The following RETREG2 variants were observed in gnomAD, a reference collection of about 807,000 sequenced individuals.
RETREG2 encodes reticulophagy regulator 2.
In RETREG2, 21 loss-of-function variants were observed where a neutral mutation model predicts 51.6. The observed-to-expected ratio is 0.41, with a 90% CI of 0.29 to 0.59. The LOEUF (loss-of-function observed/expected upper bound fraction) is 0.59, where lower values mean the gene tolerates loss of function less well. RETREG2 is among the 20% of genes least tolerant of loss of function. The pLI, the probability that RETREG2 is intolerant of heterozygous loss-of-function variation, is 0.34. For synonymous variants in RETREG2, 339 were observed against 288.6 expected (o/e 1.17, Z -1.77); for missense variants, 674 against 646.0 (o/e 1.04, Z -0.47).
In RETREG2 at chr2:219,182,101, C is replaced by T. The variant is rs908641528; in HGVS notation, c.1104C>T (p.Pro368=). 16 of 1,614,132 alleles carry T rather than the reference C, an allele frequency of 9.9e-6. No homozygotes were observed. The highest frequency in any genetic ancestry group is 2.2e-5 in the East Asian group (1 of 44,870). ...GEGEEGELAP[P]EDLLGRPQAL... ...GAGAGGAGGGAGAGCTGGCCCCTCC[C>T]GAAGACCTACTAGGCCGTCCTCAAG... Residue 368 remains proline (P), a synonymous_variant, in exon 9 of 9, where the codon CCC becomes CCT. Coordinates refer to ENST00000430297, the MANE Select transcript of RETREG2 (RefSeq NM_024293.6).
In RETREG2 at chr2:219,181,626, GGTT is replaced by G. The variant is rs780188964; in HGVS notation, c.880-13_880-11del. The G allele has an allele frequency of 1.2e-6, 2 of 1,613,470 alleles. No individual in the cohort carries two copies. The highest frequency in any genetic ancestry group is 1.7e-6 in the Non-Finnish European group (2 of 1,179,486). Reference sequence around the variant, plus strand: ...TCCCCTCACATGTCGTGTTCATCCTGGTTCTCCTGCCAGGTGGATGTGAAGAAA... The same window carrying G: ...TCCCCTCACATGTCGTGTTCATCCTGCTCCTGCCAGGTGGATGTGAAGAAA... On this transcript the variant is annotated splice_polypyrimidine_tract_variant and intron_variant, in intron 7 of 8. Coordinates refer to ENST00000430297, the MANE Select transcript of RETREG2 (RefSeq NM_024293.6).
Position 219,182,701 on chromosome 2 carries a change from GCCTA to G in RETREG2, c.*75_*78del. 6.4e-7 allele frequency: 1 copy of G among 1,557,048 alleles called. No homozygotes were observed. ...TAGGAGTGTTGCTGTTTCCTCCTTT[GCCTA>G]CCACTCTGGGGTGGGGCAGTGTGTG... On this transcript the variant is annotated 3_prime_UTR_variant, in exon 9 of 9. Transcript: ENST00000430297.
intron 3 of RETREG2, 143 bp downstream of exon 3, chr2:219,179,906 T>C: frequency 2.6e-6 from 3 of 1,163,552 alleles, no homozygotes; most frequent in Non-Finnish European, 3.8e-6. Context: ...CCTAGGCTCC[T>C]GTGTAGGTGT....
intron 1 of RETREG2, 129 bp from the exon 2 acceptor site, chr2:219,178,793 C>T: frequency 8.8e-7 from 1 of 1,138,946 alleles, no homozygotes; most frequent in Non-Finnish European, 1.2e-6. Flanking sequence ...TTTTCTATCT[C>T]TGAGTCGTGA....
chr2:219,181,831 ATGGGTACT>A (rs2106399101), intron 8 of RETREG2, 56 bp downstream of exon 8: 1 of 1,599,660 alleles, frequency 6.3e-7, no homozygotes, highest in South Asian at 1.1e-5. Context: ...GTTCCCTACC[ATGGGTACT>A]TACTGTGCTC....
chr2:219,180,811 A>G, intron 5 of RETREG2, 57 bp downstream of exon 5: 1 of 1,579,496 alleles, frequency 6.3e-7, no homozygotes, highest in East Asian at 2.2e-5. Flanking sequence ...CTTTCCTTGG[A>G]CTGACCCAGA....
intron 5 of RETREG2, 79 bp downstream of exon 5, chr2:219,180,833 GCT>G: frequency 1.4e-6 from 2 of 1,475,660 alleles, no homozygotes; most frequent in South Asian, 2.3e-5. Flanking sequence ...GGAAGACTAT[GCT>G]CTCTCTGCTC....
In RETREG2 at chr2:219,180,762, G is replaced by T; in HGVS notation, c.640+8G>T. 6.2e-7 allele frequency: 1 copy of T among 1,613,996 alleles called. No homozygotes were observed. Among genetic ancestry groups the T allele is most frequent in the South Asian group, 1.1e-5 (1 of 91,078 alleles). On this transcript the variant is annotated splice_region_variant and intron_variant, in intron 5 of 8. Transcript: ENST00000430297. ...TGATTTCCTACATTGTCTGTGAGTA[G>T]GGTCTGTCCCTGCCCTATTTAAAGC...
intron 2 of RETREG2, 65 bp downstream of exon 2, chr2:219,179,093 G>A (rs1950236631): frequency 2.4e-6 from 3 of 1,235,466 alleles, no homozygotes; most frequent in African/African-American, 3.0e-5. Flanking sequence ...TCCGCTGGGT[G>A]GGGTTAAGTG....
In RETREG2 at chr2:219,178,329, T is replaced by C. The variant is rs981566645; in HGVS notation, c.-24T>C. 8 of 399,124 alleles carry C rather than the reference T, an allele frequency of 2.0e-5. No individual in the cohort carries two copies. Among genetic ancestry groups the C allele is most frequent in the African/African-American group, 1.5e-4 (7 of 47,778 alleles). 24.7% of individuals were successfully genotyped at this position (399,124 alleles called of 1,614,324 possible). On this transcript the variant is annotated 5_prime_UTR_variant, in exon 1 of 9. Transcript: ENST00000430297. ...CGCGCAGCCCTGGCTCCTCGCGGGC[T>C]CGGGCGGCGGCTGCGGCGGGGCTAT...
chr2:219,179,681 G>A (rs373141734), intron 2 of RETREG2, 52 bp from the exon 3 acceptor site: 9 of 1,572,632 alleles, frequency 5.7e-6, no homozygotes, highest in African/African-American at 1.3e-5. Flanking sequence ...CTTGGGGAGT[G>A]TCTCCCAGGG....
chr2:219,181,770 C>T lies in RETREG2; in HGVS notation c.1010C>T (p.Ser337Phe). Residue 337 changes from serine to phenylalanine, a missense_variant, in exon 8 of 9, where the codon TCC becomes TTC. Transcript: ENST00000430297. ...ACAACTCCGCAGCTGACTGATGTCT[C>T]CGAGGGTATGGGGAGCCCTTTGCTG... Reference protein sequence around the residue: ...RATTPQLTDVSEDLDQQSLPS... With the variant: ...RATTPQLTDVFEDLDQQSLPS... 1 of 1,613,676 alleles carries T rather than the reference C, an allele frequency of 6.2e-7. No homozygotes were observed. Among genetic ancestry groups the T allele is most frequent in the Non-Finnish European group, 8.5e-7 (1 of 1,179,842 alleles).
In RETREG2 at chr2:219,179,007, C is replaced by A; in HGVS notation, c.367C>A (p.Arg123Ser). The change falls in exon 2 of 9, where the codon CGC (arginine) becomes AGC (serine). Residue 123 changes from arginine to serine, a missense_variant. By Grantham distance (110) the Arg-to-Ser change is moderately radical. Transcript: ENST00000430297. ...TTTTCTGCTGGATCTCTGGCAGCCT[C>A]GCTTTCTCCCTGACGTTTCAGGTGA... ...AYFLLDLWQP[R>S]FLPDVSASSP... 6.2e-7 allele frequency: 1 copy of A among 1,612,478 alleles called. No individual in the cohort carries two copies. The highest frequency in any genetic ancestry group is 1.3e-5 in the African/African-American group (1 of 75,000).
rs760773154 is a variant in RETREG2 at position 219,182,619 on chromosome 2, C to G, written c.1622C>G (p.Ala541Gly). 1 of 1,613,690 alleles carries G rather than the reference C, an allele frequency of 6.2e-7. No homozygotes were observed. Among genetic ancestry groups the G allele is most frequent in the African/African-American group, 1.3e-5 (1 of 74,920 alleles). The change falls in exon 9 of 9, where the codon GCA (alanine) becomes GGA (glycine). Residue 541 changes from alanine (A) to glycine (G), a missense_variant. Coordinates refer to ENST00000430297, the MANE Select transcript of RETREG2 (RefSeq NM_024293.6). ...VQSDQEAQAVAEP is the reference protein window; with the variant it reads ...VQSDQEAQAVGEP ...TCAGACCAAGAAGCTCAGGCCGTGG[C>G]AGAGCCATGAGCCAGCCGTTGAGGA...
At chr2:219,180,553 C>T in intron 4 of RETREG2, 117 bp from the exon 5 acceptor site, 1 of 1,559,268 alleles carries the variant, frequency 6.4e-7, no homozygotes, top group Non-Finnish European at 8.7e-7. Flanking sequence ...CAAACTGGAC[C>T]ACCCCATTCC....
intron 3 of RETREG2, 146 bp from the exon 4 acceptor site, chr2:219,179,964 T>G: frequency 3.2e-6 from 4 of 1,249,638 alleles, no homozygotes; most frequent in East Asian, 2.3e-5. Flanking sequence ...CTCCTGGCTT[T>G]GCTTCTAAGA....
intron 4 of RETREG2, 48 bp downstream of exon 4, chr2:219,180,293 A>G (rs1241753622): frequency 1.2e-6 from 2 of 1,610,630 alleles, no homozygotes; most frequent in Non-Finnish European, 1.7e-6. Context: ...GAAGGGGAAT[A>G]GAGGTGGCGG....
chr2:219,180,663 T>C lies in RETREG2; in HGVS notation c.556-7T>C, dbSNP rs373397386. ...TGATGTTCTTAGACTTTTGCTCTTC[T>C]CTGCAGTTCTGCGTTCGAGTCTGCT... On this transcript the variant is annotated splice_region_variant and splice_polypyrimidine_tract_variant and intron_variant, in intron 4 of 8. Coordinates refer to ENST00000430297, the MANE Select transcript of RETREG2 (RefSeq NM_024293.6). The C allele has an allele frequency of 3.8e-4, 613 of 1,614,094 alleles. No homozygotes were observed. The highest frequency in any genetic ancestry group is 5.0e-4 in the Non-Finnish European group (590 of 1,180,014).
In RETREG2 at chr2:219,181,459, C is replaced by T. The variant is rs775915269; in HGVS notation, c.875C>T (p.Pro292Leu). The T allele has an allele frequency of 1.2e-6, 2 of 1,613,876 alleles. No homozygotes were observed. The part of the protein sequence containing the change: ...ESEAELAGFS[P>L]VVDVKKTALA... ...GAGGCAGAGCTGGCTGGCTTCTCCC[C>T]AGTGGTGAGGTCCAGGGAAAGCGGG... The change falls in exon 7 of 9, where the codon CCA becomes CTA. Residue 292 changes from proline (P) to leucine (L), a missense_variant. Pro to Leu is a moderately conservative substitution (Grantham distance 98). Transcript: ENST00000430297.
Sources: allele counts gnomAD v4.1 joint callset, GRCh38; gene constraint gnomAD v4.1.1; transcripts MANE v1.5; gene names NCBI Gene and HGNC (gene_info 2026-07-23, HGNC 2026-07-21).